Variants in RAB18 observed in about 807,000 individuals in gnomAD.
RAB18 encodes the protein ras-related protein Rab-18.
A neutral mutation model predicts 28.5 loss-of-function variants in RAB18; 10 were observed. The ratio of observed to expected loss-of-function variants is 0.35; its 90% CI spans 0.22 to 0.60. RAB18 has a LOEUF of 0.60. Among genes scored for constraint, RAB18 ranks in the 20% least tolerant of loss-of-function variants. RAB18 has a pLI of 0.78. For missense variants in RAB18, 188 were observed against 244.2 expected (o/e 0.77, Z 1.53); for synonymous variants, 93 against 86.9 (o/e 1.07, Z -0.39).
chr10:27,521,671 A>G (rs1322949630), intron 2 of RAB18, among the ~76,000 whole-genome samples: 2 of 152,186 alleles, frequency 1.3e-5, no homozygotes, highest in Non-Finnish European at 2.9e-5. Flanking sequence ...CATAAGAATG[A>G]TACAGTGGAA....
At chr10:27,524,274 C>T (rs879021884) in intron 2 of RAB18, among the ~76,000 whole-genome samples, 7 of 152,186 alleles carry the variant, frequency 4.6e-5, no homozygotes, top group African/African-American at 1.7e-4. Flanking sequence ...TTTTATGTCA[C>T]TCATGTCTAC....
chr10:27,534,079 A>G, intron 6 of RAB18, 85 bp downstream of exon 6: 2 of 1,284,992 alleles, frequency 1.6e-6, no homozygotes, highest in Non-Finnish European at 2.3e-6. Flanking sequence ...TTCTTTATGA[A>G]CCATAAAATG....
chr10:27,519,003 G>A (rs1472429416), intron 2 of RAB18, among the ~76,000 whole-genome samples: 4 of 151,756 alleles, frequency 2.6e-5, no homozygotes, highest in Non-Finnish European at 5.9e-5. Flanking sequence ...CTAACACTTA[G>A]TTGAAAAGAC....
chr10:27,528,511 A>G (rs1237370135), intron 3 of RAB18, among the ~76,000 whole-genome samples: 1 of 152,058 alleles, frequency 6.6e-6, no homozygotes, highest in Non-Finnish European at 1.5e-5. Context: ...AAACAAAGGG[A>G]TTATATTATA....
At chr10:27,527,441 A>G (rs982414051) in intron 3 of RAB18, among the ~76,000 whole-genome samples, 1 of 152,038 alleles carries the variant, frequency 6.6e-6, no homozygotes, top group South Asian at 2.1e-4. Context: ...CTAGTGTCAA[A>G]TAAGGTAGCA....
intron 6 of RAB18, among the ~76,000 whole-genome samples, chr10:27,535,799 G>T (rs1473489478): frequency 6.6e-6 from 1 of 152,108 alleles, no homozygotes; most frequent in East Asian, 1.9e-4. Context: ...ATTAAAAAGA[G>T]CAATCAGGCG....
Position 27,541,093 on chromosome 10 carries a change from TGGG to T in RAB18, c.*3045_*3047del, listed in dbSNP as rs886046976. 1 of 453,884 alleles carries T rather than the reference TGGG, an allele frequency of 2.2e-6. No individual in the cohort carries two copies. The highest frequency in any genetic ancestry group is 4.4e-6 in the Non-Finnish European group (1 of 226,728). The allele number at this position is 453,884 out of a possible 1,614,324, so 28.1% of individuals were successfully genotyped here. A position where few individuals can be genotyped will look rare whatever the true frequency, so the allele number is the denominator to read the frequency against. On this transcript the variant is annotated 3_prime_UTR_variant, in exon 7 of 7. Coordinates refer to ENST00000356940, the MANE Select transcript of RAB18 (RefSeq NM_021252.5). Reference sequence around the variant, plus strand: ...ATTCAAGCATTATGCTTCTCTTTCTTGGGGGTACATTTCACTAGTAATACTTAG... The same window carrying T: ...ATTCAAGCATTATGCTTCTCTTTCTTGGTACATTTCACTAGTAATACTTAG...
chr10:27,533,577 C>T (rs796506150), intron 4 of RAB18, among the ~76,000 whole-genome samples, 158 bp from the exon 5 acceptor site: 1 of 151,748 alleles, frequency 6.6e-6, no homozygotes, highest in East Asian at 1.9e-4. Flanking sequence ...CTTGTTTCTT[C>T]CATTTGGATC....
Position 27,539,197 on chromosome 10 carries a change from G to T in RAB18, c.*1146G>T. Reference sequence around the variant, plus strand: ...TCACCTCTTGCTATTGTATATTGTAGATTTTTTTCATTCATGTGTTATTTA... The same window carrying T: ...TCACCTCTTGCTATTGTATATTGTATATTTTTTTCATTCATGTGTTATTTA... On this transcript the variant is annotated 3_prime_UTR_variant, in exon 7 of 7. Coordinates refer to ENST00000356940, the MANE Select transcript of RAB18 (RefSeq NM_021252.5). 3.0e-6 allele frequency: 1 copy of T among 328,914 alleles called. No individual in the cohort carries two copies. Among genetic ancestry groups the T allele is most frequent in the Non-Finnish European group, 5.9e-6 (1 of 169,396 alleles). The allele number at this position is 328,914 out of a possible 1,614,324, so 20.4% of individuals were successfully genotyped here.
intron 3 of RAB18, among the ~76,000 whole-genome samples, chr10:27,531,234 G>A (rs1834780807): frequency 6.6e-6 from 1 of 151,982 alleles, no homozygotes; most frequent in African/African-American, 2.4e-5. Flanking sequence ...TTATGTAAGT[G>A]TATCTGTGGA....
chr10:27,531,490 T>A, intron 3 of RAB18: 1 of 1,538,416 alleles, frequency 6.5e-7, no homozygotes, highest in East Asian at 2.5e-5. Flanking sequence ...GTAGCTAAGT[T>A]GAGGTTTGAT....
At chr10:27,504,724 G>A (rs1458506655) in intron 1 of RAB18, 2 of 659,108 alleles carry the variant, frequency 3.0e-6, no homozygotes, top group Admixed American at 2.0e-5. Flanking sequence ...TCGGCCGGCA[G>A]GTTTGCTGCG....
chr10:27,513,237 A>G (rs949852709), intron 2 of RAB18, among the ~76,000 whole-genome samples: 7 of 151,284 alleles, frequency 4.6e-5, no homozygotes, highest in African/African-American at 1.7e-4. Flanking sequence ...GTTTTACTAT[A>G]TTGGCCAGGC....
At chr10:27,510,015 C>T in intron 2 of RAB18, 85 bp downstream of exon 2, 1 of 996,238 alleles carries the variant, frequency 1.0e-6, no homozygotes, top group Non-Finnish European at 1.6e-6. Context: ...CTACCTTCCT[C>T]TCACCACCCC....
intron 2 of RAB18, among the ~76,000 whole-genome samples, chr10:27,517,826 C>T (rs1834468650): frequency 6.6e-6 from 1 of 152,232 alleles, no homozygotes; most frequent in South Asian, 2.1e-4. Flanking sequence ...CCCAGAGCTA[C>T]CTGGTGCTAT....
intron 3 of RAB18, chr10:27,531,427 G>A: frequency 7.0e-7 from 1 of 1,431,216 alleles, no homozygotes; most frequent in Non-Finnish European, 9.2e-7. Flanking sequence ...TTTTATATCT[G>A]GGGGAGCTTC....
At position 27,540,922 on chromosome 10, in the gene RAB18, A is replaced by T. The variant is rs1405416490; in HGVS notation, c.*2871A>T. On this transcript the variant is annotated 3_prime_UTR_variant, in exon 7 of 7. Transcript: ENST00000356940. The stretch of plus-strand genomic sequence containing the variant: ...CTCATAAAAGAATCCTTCTTACACC[A>T]GTACTTGTTCTGCCTGTGAGTTGGC... 4.4e-6 allele frequency: 2 copies of T among 454,114 alleles called. No homozygotes were observed. Among genetic ancestry groups the T allele is most frequent in the South Asian group, 3.1e-5 (2 of 64,474 alleles). 28.1% of individuals were successfully genotyped at this position (454,114 alleles called of 1,614,324 possible).
At chr10:27,532,418 A>G (rs887546763) in intron 3 of RAB18, 89 bp from the exon 4 acceptor site, 4 of 951,824 alleles carry the variant, frequency 4.2e-6, no homozygotes, top group Non-Finnish European at 6.6e-6. Flanking sequence ...TACTATTTTT[A>G]GTAATGCTGT....
At position 27,533,852 on chromosome 10, in the gene RAB18, A is replaced by C; in HGVS notation, c.377A>C (p.Lys126Thr). ...ATGCTAGTTGGAAATAAAATCGATA[A>C]GGTAAGAAGGCAGACACTTGGCATT... ...VNMLVGNKID[K>T]ENREVDRNEG... The change falls in exon 5 of 7, where the codon AAG becomes ACG. Residue 126 changes from lysine to threonine, a missense_variant and splice_region_variant. Lys to Thr is a moderately conservative substitution (Grantham distance 78). Transcript: ENST00000356940. 3 of 1,612,570 alleles carry C rather than the reference A, an allele frequency of 1.9e-6. No individual in the cohort carries two copies. Among genetic ancestry groups the C allele is most frequent in the Non-Finnish European group, 2.5e-6 (3 of 1,178,654 alleles).
Sources: allele counts gnomAD v4.1 joint callset (sites outside exome capture counted in the v4.1 genomes callset), GRCh38; gene constraint gnomAD v4.1.1; transcripts MANE v1.5; gene names NCBI Gene and HGNC (gene_info 2026-07-23, HGNC 2026-07-21).